The following PIAS1 variants were observed in gnomAD, a reference collection of about 807,000 sequenced individuals.
The protein encoded by PIAS1 is E3 SUMO-protein ligase PIAS1.
PIAS1 carries 6 observed loss-of-function variants against 71.3 expected under a neutral mutation model. That is an observed-to-expected ratio of 0.08 (90% CI 0.05 to 0.17). The LOEUF is 0.17. Among genes scored for constraint, PIAS1 ranks in the 10% least tolerant of loss-of-function variants. The probability of loss-of-function intolerance (pLI) is 1.00; values close to 1 mark genes in which losing one functional copy is unlikely to be tolerated. For missense variants in PIAS1, 555 were observed against 793.6 expected, an observed-to-expected ratio of 0.70 and a Z score of 3.61; for synonymous variants, 303 against 292.9, an observed-to-expected ratio of 1.03 and a Z score of -0.35.
In PIAS1 at chr15:68,054,531, C is replaced by T; in HGVS notation, c.24+181C>T. The stretch of plus-strand genomic sequence containing the variant: ...GGGCCCGCCTGCGGCGGGCCGCGGG[C>T]CCCGGGTGCCTCGGGGGCGCTGACG... On this transcript the variant is annotated intron_variant, in intron 1 of 13. Coordinates refer to ENST00000249636, the MANE Select transcript of PIAS1 (RefSeq NM_016166.3). This position sits in a 1 kb window ranked among gnomAD's most constrained non-coding sequence, Gnocchi z 4.6. The T allele has an allele frequency of 1.9e-6, 1 of 537,990 alleles. No individual in the cohort carries two copies. Among genetic ancestry groups the T allele is most frequent in the African/African-American group, 2.0e-5 (1 of 49,410 alleles). The allele number at this position is 537,990 out of a possible 1,614,324, so 33.3% of individuals were successfully genotyped here. A position where few individuals can be genotyped will look rare whatever the true frequency, so the allele number is the denominator to read the frequency against.
intron 2 of PIAS1, among the ~76,000 whole-genome samples, chr15:68,115,505 G>C (rs765564287): frequency 6.6e-6 from 1 of 152,028 alleles, no homozygotes; most frequent in African/African-American, 2.4e-5. Context: ...TGAATAGACA[G>C]TTTTACTCTT....
rs1364262134 is a variant in PIAS1, at chr15:68,146,528, G to T, written c.694-38G>T. ...AGGAATGGAAGTCAAAATGATTGTG[G>T]AAATAATAAGTATAAATAAATTACA... On this transcript the variant is annotated intron_variant, in intron 5 of 13. Transcript: ENST00000249636. 5.2e-6 allele frequency: 8 copies of T among 1,528,844 alleles called. No homozygotes were observed. The African/African-American group carries it at 9.7e-5, about 18-fold the overall frequency. The allele number at this position is 1,528,844 out of a possible 1,614,324, so 94.7% of individuals were successfully genotyped here. A position where few individuals can be genotyped will look rare whatever the true frequency, so the allele number is the denominator to read the frequency against.
intron 2 of PIAS1, among the ~76,000 whole-genome samples, chr15:68,089,807 C>A (rs563254371): frequency 6.6e-6 from 1 of 152,054 alleles, no homozygotes. Context: ...CCGCCCACCT[C>A]GGCCTCCCAA....
rs372799008 is a variant in PIAS1, at chr15:68,086,579, G to A, written c.298G>A (p.Asp100Asn). 2.5e-6 allele frequency: 4 copies of A among 1,613,730 alleles called. No homozygotes were observed. Among genetic ancestry groups the A allele is most frequent in the East Asian group, 2.2e-5 (1 of 44,902 alleles). Residue 100 changes from aspartate (D) to asparagine (N), a missense_variant, in exon 2 of 14, where the codon GAT (aspartate) becomes AAT (asparagine). Physicochemically the swap from Asp to Asn is conservative, Grantham distance 23 (BLOSUM62 1). Transcript: ENST00000249636. This position sits in a 1 kb window ranked among gnomAD's most constrained non-coding sequence, Gnocchi z 7.2. ...ATCTACCATTCCACAACTCACTTAC[G>A]ATGGTCACCCTGCATCATCGCCATT... Reference protein sequence around the residue: ...SPSTIPQLTYDGHPASSPLLP... With the variant: ...SPSTIPQLTYNGHPASSPLLP...
At chr15:68,125,332 A>C (rs2141024848) in intron 2 of PIAS1, among the ~76,000 whole-genome samples, 1 of 152,158 alleles carries the variant, frequency 6.6e-6, no homozygotes, top group South Asian at 2.1e-4. Context: ...ACTCTGCTAA[A>C]CCCAAACACA....
intron 2 of PIAS1, among the ~76,000 whole-genome samples, chr15:68,118,262 A>G (rs894221867): frequency 6.6e-6 from 1 of 151,982 alleles, no homozygotes; most frequent in Non-Finnish European, 1.5e-5. Flanking sequence ...TGAAAGTTGC[A>G]GTGAGCCAAG....
intron 1 of PIAS1, among the ~76,000 whole-genome samples, chr15:68,074,804 TA>T (rs1013361427): frequency 6.6e-6 from 1 of 151,954 alleles, no homozygotes; most frequent in East Asian, 1.9e-4. Flanking sequence ...TTTGTGCTTT[TA>T]AAAAAATTGC....
chr15:68,172,721 A>G (rs1289774577), intron 8 of PIAS1, among the ~76,000 whole-genome samples: 1 of 152,164 alleles, frequency 6.6e-6, no homozygotes, highest in Non-Finnish European at 1.5e-5. Flanking sequence ...CTTCCAGGGA[A>G]TGAGATAGTG....
At chr15:68,129,203 T>A (rs1191362949) in intron 2 of PIAS1, among the ~76,000 whole-genome samples, 3 of 152,058 alleles carry the variant, frequency 2.0e-5, no homozygotes, top group Non-Finnish European at 4.4e-5. Context: ...ACTAGGACTG[T>A]AGGCACATAC....
intron 11 of PIAS1, among the ~76,000 whole-genome samples, chr15:68,177,720 T>C (rs1409475851): frequency 6.6e-6 from 1 of 152,230 alleles, no homozygotes; most frequent in Non-Finnish European, 1.5e-5. Context: ...AGTAGCATAC[T>C]CCAACTATAC....
chr15:68,109,816 T>C (rs1956888469), intron 2 of PIAS1, among the ~76,000 whole-genome samples: 1 of 152,192 alleles, frequency 6.6e-6, no homozygotes. Flanking sequence ...AAAATGTCTA[T>C]TCAGGGAATT....
chr15:68,153,537 A>G lies in PIAS1; in HGVS notation c.829-53A>G, dbSNP rs532112891. On this transcript the variant is annotated intron_variant, in intron 6 of 13. Coordinates refer to ENST00000249636, the MANE Select transcript of PIAS1 (RefSeq NM_016166.3). The stretch of plus-strand genomic sequence containing the variant: ...CCCTATCATGGTGAGATTAAAATAG[A>G]TGTACTATTTACTTACATATGTTGT... 9 of 777,982 alleles carry G rather than the reference A, an allele frequency of 1.2e-5. No individual in the cohort carries two copies. The South Asian group carries it at 1.4e-4, about 12-fold the overall frequency. The allele number at this position is 777,982 out of a possible 1,614,324, so 48.2% of individuals were successfully genotyped here.
chr15:68,127,794 G>A (rs1206243990), intron 2 of PIAS1, among the ~76,000 whole-genome samples: 1 of 151,728 alleles, frequency 6.6e-6, no homozygotes, highest in African/African-American at 2.4e-5. Flanking sequence ...ATGGAGTCTC[G>A]CTCTATTGCC....
At chr15:68,165,368 G>T (rs541814595) in intron 8 of PIAS1, among the ~76,000 whole-genome samples, 2 of 152,052 alleles carry the variant, frequency 1.3e-5, no homozygotes, top group Non-Finnish European at 2.9e-5. Context: ...TGATCCACCC[G>T]CCTTGGACTC....
At chr15:68,087,838 T>G (rs985939673) in intron 2 of PIAS1, 1 of 370,296 alleles carries the variant, frequency 2.7e-6, no homozygotes, top group African/African-American at 2.1e-5. Context: ...TTAATTATAT[T>G]TAGCAGAAAT....
intron 2 of PIAS1, among the ~76,000 whole-genome samples, chr15:68,103,049 T>G (rs1181655707): frequency 1.3e-5 from 2 of 152,096 alleles, no homozygotes; most frequent in Non-Finnish European, 2.9e-5. Context: ...TGCCTCAGCC[T>G]TCTGAGTAGC....
chr15:68,069,200 A>G (rs965644060), intron 1 of PIAS1, among the ~76,000 whole-genome samples: 2 of 152,086 alleles, frequency 1.3e-5, no homozygotes, highest in African/African-American at 4.8e-5. Context: ...GGCCTTGTCC[A>G]TTATTTTTTT....
chr15:68,142,628 C>T (rs954547587), intron 4 of PIAS1, among the ~76,000 whole-genome samples: 1 of 149,160 alleles, frequency 6.7e-6, no homozygotes, highest in African/African-American at 2.5e-5. Context: ...TTCCCCTGCC[C>T]GCCCACCCCC....
chr15:68,059,295 C>G (rs1319755373), intron 1 of PIAS1, among the ~76,000 whole-genome samples: 1 of 152,068 alleles, frequency 6.6e-6, no homozygotes, highest in Non-Finnish European at 1.5e-5. Flanking sequence ...GCGTGAGCCA[C>G]CACCGCGCCA....
Sources: gnomAD v4.1 joint callset for allele counts (sites outside exome capture counted in the v4.1 genomes callset) on GRCh38, gnomAD v4.1.1 for gene constraint, Gnocchi (gnomAD v3.1) non-coding constraint, MANE v1.5 for transcripts, NCBI Gene and HGNC (gene_info 2026-07-23, HGNC 2026-07-21) for gene names.